MYCBP2: variants seen among roughly 807,000 people sequenced by gnomAD.
The protein encoded by MYCBP2 is MYC binding protein 2, also known as E3 ubiquitin-protein ligase MYCBP2.
In MYCBP2, 120 loss-of-function variants were observed where a neutral mutation model predicts 525.3. That is an observed-to-expected ratio of 0.23 (90% CI 0.20 to 0.27). The LOEUF (loss-of-function observed/expected upper bound fraction) is 0.27, where lower values mean the gene tolerates loss of function less well. Ranked by LOEUF, MYCBP2 falls within the 10% of genes least tolerant of loss-of-function variation. MYCBP2 has a pLI of 1.00. For synonymous variants in MYCBP2, 1,894 were observed against 1,955.8 expected, an observed-to-expected ratio of 0.97 and a Z score of 0.83; for missense variants, 4,149 against 5,657.1, an observed-to-expected ratio of 0.73 and a Z score of 8.55.
rs148366858 is a variant in MYCBP2 at position 77,284,525 on chromosome 13, C to G, written c.594+3636G>C. ...AAAATATCACCTGAAAGTTTCACTC[C>G]CCACCCATAGTATCTGCTTGCCTCT... On this transcript the variant is annotated intron_variant, in intron 3 of 82. Coordinates refer to ENST00000544440, the MANE Select transcript of MYCBP2 (RefSeq NM_015057.5). 2.0e-5 allele frequency among the ~76,000 whole-genome samples: 3 copies of G among 152,306 alleles called. No individual in the cohort carries two copies. In the East Asian group the frequency reaches 5.8e-4, roughly 29 times the overall value.
intron 35 of MYCBP2, among the ~76,000 whole-genome samples, chr13:77,177,223 A>C (rs187058640): frequency 6.6e-5 from 10 of 152,070 alleles, no homozygotes; most frequent in Admixed American, 6.5e-4. Flanking sequence ...ATTCTACTTT[A>C]AATCTTTCTC....
At chr13:77,056,099 GGTGTGTGTGTGTGTGTGT>G (rs56952443) in intron 79 of MYCBP2, among the ~76,000 whole-genome samples, 109 of 120,592 alleles carry the variant, frequency 9.0e-4, no homozygotes, top group Middle Eastern at 8.1e-3. Flanking sequence ...CTCTGTGTTT[GGTGTGTGTGTGTGTGTGT>G]GTGTGTGTGT....
intron 13 of MYCBP2, 138 bp from the exon 14 acceptor site, chr13:77,257,967 G>T (rs2072536766): frequency 1.3e-5 from 8 of 630,514 alleles, no homozygotes; most frequent in Middle Eastern, 5.9e-4. Flanking sequence ...CCAAAAGACT[G>T]GCAGAGTATC....
Position 77,185,228 on chromosome 13 carries a change from A to G in MYCBP2, c.4594T>C (p.Leu1532=), listed in dbSNP as rs773079181. ...NDPQGYLSQP[L]SLLEAVLQEC... ...TGAAGGACAGCTTCTAGAAGACTCA[A>G]GGGTTGACTGAGATATCCTTGAGGA... The change falls in exon 32 of 83, where the codon TTG becomes CTG. Residue 1532 remains leucine (L), a synonymous_variant. Coordinates refer to ENST00000544440, the MANE Select transcript of MYCBP2 (RefSeq NM_015057.5). 2.5e-6 allele frequency: 4 copies of G among 1,614,192 alleles called. No homozygotes were observed. Among genetic ancestry groups the G allele is most frequent in the Middle Eastern group, 1.7e-4 (1 of 6,060 alleles).
intron 32 of MYCBP2, 21 bp from the exon 33 acceptor site, chr13:77,181,943 GCCCCCC>G (rs1595195773): frequency 1.3e-6 from 2 of 1,587,156 alleles, no homozygotes; most frequent in South Asian, 1.1e-5. Flanking sequence ...CAAAAATATG[GCCCCCC>G]AACCAAAAAA....
At chr13:77,244,064 A>G in intron 15 of MYCBP2, 113 bp from the exon 16 acceptor site, 1 of 1,197,338 alleles carries the variant, frequency 8.4e-7, no homozygotes. Context: ...TAAATGAGTA[A>G]GCAATGAAAT....
intron 4 of MYCBP2, among the ~76,000 whole-genome samples, chr13:77,274,343 C>T (rs2075263863): frequency 6.6e-6 from 1 of 152,156 alleles, no homozygotes; most frequent in Non-Finnish European, 1.5e-5. Context: ...CCCTGAACAC[C>T]TCCATCTAAG....
intron 30 of MYCBP2, among the ~76,000 whole-genome samples, chr13:77,187,914 T>G (rs2060889783): frequency 6.6e-6 from 1 of 151,662 alleles, no homozygotes; most frequent in Admixed American, 6.6e-5. Context: ...CTACTAAAAA[T>G]ACAAAAATTA....
At chr13:77,307,979 A>G (rs999284283) in intron 1 of MYCBP2, among the ~76,000 whole-genome samples, 5 of 152,132 alleles carry the variant, frequency 3.3e-5, no homozygotes, top group Non-Finnish European at 1.5e-5. Flanking sequence ...AATGTGAGCT[A>G]TCTGCTCATG....
In MYCBP2 at chr13:77,164,439, A is replaced by G; in HGVS notation, c.6547+15T>C. ...AAAACCCTATCAAAAAACATCCAGT[A>G]TTGGCCACACTTACCAATAGGAAGT... On this transcript the variant is annotated intron_variant, in intron 43 of 82. Transcript: ENST00000544440. 1 of 1,566,412 alleles carries G rather than the reference A, an allele frequency of 6.4e-7. No homozygotes were observed. Among genetic ancestry groups the G allele is most frequent in the Non-Finnish European group, 8.8e-7 (1 of 1,137,072 alleles).
intron 20 of MYCBP2, among the ~76,000 whole-genome samples, chr13:77,220,477 TTAAA>T (rs1367532542): frequency 6.6e-6 from 1 of 152,066 alleles, no homozygotes; most frequent in African/African-American, 2.4e-5. Context: ...ATATAACACA[TTAAA>T]TAAAGAGAAT....
At chr13:77,293,922 T>A (rs1346980806) in intron 2 of MYCBP2, among the ~76,000 whole-genome samples, 1 of 151,764 alleles carries the variant, frequency 6.6e-6, no homozygotes, top group Non-Finnish European at 1.5e-5. Flanking sequence ...TCCAGAACTG[T>A]AAGATAACGA....
chr13:77,312,754 C>T (rs1429381655), intron 1 of MYCBP2, among the ~76,000 whole-genome samples: 1 of 151,682 alleles, frequency 6.6e-6, no homozygotes, highest in Non-Finnish European at 1.5e-5. Context: ...GTAAATATGT[C>T]AATAATTAAT....
chr13:77,311,192 G>C (rs2080157044), intron 1 of MYCBP2, among the ~76,000 whole-genome samples: 1 of 152,108 alleles, frequency 6.6e-6, no homozygotes, highest in East Asian at 1.9e-4. Flanking sequence ...GAGGAACTGA[G>C]AAAAGAAACT....
Position 77,126,433 on chromosome 13 carries a change from A to C in MYCBP2, c.7769T>G (p.Met2590Arg), listed in dbSNP as rs1352483093. The C allele has an allele frequency of 6.2e-7, 1 of 1,613,872 alleles. No individual in the cohort carries two copies. The highest frequency in any genetic ancestry group is 1.3e-5 in the African/African-American group (1 of 74,912). Reference protein sequence around the residue: ...DMPFLRGGPGMYKVVKTGPSG... With the variant: ...DMPFLRGGPGRYKVVKTGPSG... ...AGGTCCCGTCTTCACTACCTTGTACATGCCTGGCCCTCCTCGCAAGAATGG... is the reference window on the plus strand; with the variant it reads ...AGGTCCCGTCTTCACTACCTTGTACCTGCCTGGCCCTCCTCGCAAGAATGG... Residue 2590 changes from methionine (M) to arginine (R), a missense_variant, in exon 53 of 83, where the codon ATG becomes AGG. Met to Arg is a moderately conservative substitution (Grantham distance 91, BLOSUM62 -1). This residue lies in a region of MYCBP2 where 692 missense variants were observed against 852.7 expected (regional missense o/e 0.81). Transcript: ENST00000544440.
At chr13:77,256,201 A>C (rs2072158577) in intron 14 of MYCBP2, among the ~76,000 whole-genome samples, 1 of 152,108 alleles carries the variant, frequency 6.6e-6, no homozygotes, top group Non-Finnish European at 1.5e-5. Flanking sequence ...AACAGGTTAA[A>C]TTACAGGTAG....
intron 1 of MYCBP2, among the ~76,000 whole-genome samples, chr13:77,322,123 T>G (rs1011267515): frequency 2.0e-5 from 3 of 152,208 alleles, no homozygotes; most frequent in African/African-American, 7.2e-5. Flanking sequence ...TTCACACCAT[T>G]GCACTCCAGC....
rs148818330 is a variant in MYCBP2 at position 77,151,627 on chromosome 13, C to T, written c.6916-678G>A. On this transcript the variant is annotated intron_variant, in intron 46 of 82. Coordinates refer to ENST00000544440, the MANE Select transcript of MYCBP2 (RefSeq NM_015057.5). The stretch of plus-strand genomic sequence containing the variant: ...ACAGTATAGATGCAAAAAACAGATT[C>T]GTTAATGGATGTTAATATACTGAAA... Among the ~76,000 whole-genome samples the T allele has an allele frequency of 2.7e-4, 41 of 152,140 alleles. No individual in the cohort carries two copies. The East Asian group carries it at 6.9e-3, about 26-fold the overall frequency.
chr13:77,319,993 G>GT (rs1210899016), intron 1 of MYCBP2, among the ~76,000 whole-genome samples: 1 of 152,188 alleles, frequency 6.6e-6, no homozygotes, highest in African/African-American at 2.4e-5. Flanking sequence ...AGTGAAAGAC[G>GT]TAAGACTGAA....
Sources: allele counts gnomAD v4.1 joint callset (sites outside exome capture counted in the v4.1 genomes callset), GRCh38; gene constraint gnomAD v4.1.1; regional missense constraint gnomAD v4.1.1; transcripts MANE v1.5; gene names NCBI Gene and HGNC (gene_info 2026-07-23, HGNC 2026-07-21).